The following ABCA13 variants were observed in gnomAD, a reference collection of about 807,000 sequenced individuals.
ABCA13 encodes the protein ATP-binding cassette sub-family A member 13.
In ABCA13, 476 loss-of-function variants were observed where a neutral mutation model predicts 478.7. That is an observed-to-expected ratio of 0.99 (90% CI 0.92 to 1.07). ABCA13 has a LOEUF of 1.07. ABCA13 is among the 50% of genes least tolerant of loss of function. ABCA13 has a pLI of 0.00. For missense variants in ABCA13, 6,060 were observed against 5,910.6 expected, an observed-to-expected ratio of 1.03 and a Z score of -0.83; for synonymous variants, 2,252 against 2,158.9, an observed-to-expected ratio of 1.04 and a Z score of -1.20.
intron 42 of ABCA13, among the ~76,000 whole-genome samples, chr7:48,446,295 A>G (rs974665363): frequency 2.0e-5 from 3 of 151,970 alleles, no homozygotes; most frequent in African/African-American, 7.3e-5. Context: ...CTTTAAGCTC[A>G]AAGTTTATGT....
chr7:48,437,868 C>T (rs1325086254), intron 42 of ABCA13, among the ~76,000 whole-genome samples: 1 of 151,994 alleles, frequency 6.6e-6, no homozygotes, highest in Non-Finnish European at 1.5e-5. Context: ...TGTGCTTTTG[C>T]CTCTTTCTTC....
At chr7:48,606,136 C>T (rs1791441279) in intron 58 of ABCA13, among the ~76,000 whole-genome samples, 1 of 152,184 alleles carries the variant, frequency 6.6e-6, no homozygotes, top group African/African-American at 2.4e-5. Flanking sequence ...AGGTTCTTAG[C>T]TTCCTTGCAT....
intron 55 of ABCA13, among the ~76,000 whole-genome samples, chr7:48,536,982 A>G (rs1043886798): frequency 6.6e-6 from 1 of 152,058 alleles, no homozygotes. Flanking sequence ...ATTGCAAATT[A>G]CTTACATAGG....
rs564181691 is a variant in ABCA13 at position 48,296,561 on chromosome 7, G to A, written c.9120-671G>A. ...TGCAAGCTCCACCTCCCGGGTTCAC[G>A]CCATTCTCCCTCCTCAGCCTCCTGA... On this transcript the variant is annotated intron_variant, in intron 21 of 61. Coordinates refer to ENST00000435803, the MANE Select transcript of ABCA13 (RefSeq NM_152701.5). Among the ~76,000 whole-genome samples the A allele has an allele frequency of 4.3e-3, 647 of 151,260 alleles. 1 individual carries two copies. Among genetic ancestry groups the A allele is most frequent in the Non-Finnish European group, 7.0e-3 (473 of 67,886 alleles).
At chr7:48,600,819 C>G (rs1292957932) in intron 58 of ABCA13, among the ~76,000 whole-genome samples, 1 of 152,142 alleles carries the variant, frequency 6.6e-6, no homozygotes, top group African/African-American at 2.4e-5. Context: ...TATCCACAGT[C>G]TTAAATAGTA....
In ABCA13 at chr7:48,379,293, C is replaced by T. The variant is rs1233480393; in HGVS notation, c.11335+2721C>T. Among the ~76,000 whole-genome samples the T allele has an allele frequency of 2.0e-5, 3 of 152,194 alleles. No homozygotes were observed. The East Asian group carries it at 5.8e-4, about 29-fold the overall frequency. ...CAATAATAACAAAGAATATAATTGC[C>T]AGACACTACTGATGGGCTTTCAGAT... On this transcript the variant is annotated intron_variant, in intron 35 of 61. Transcript: ENST00000435803.
chr7:48,222,299 T>C (rs1271477841), intron 5 of ABCA13, among the ~76,000 whole-genome samples: 1 of 152,228 alleles, frequency 6.6e-6, no homozygotes, highest in Non-Finnish European at 1.5e-5. Flanking sequence ...ACTTTAATGA[T>C]TAAATTAGCA....
intron 2 of ABCA13, among the ~76,000 whole-genome samples, chr7:48,195,999 C>T (rs1013766872): frequency 4.6e-5 from 7 of 152,106 alleles, no homozygotes; most frequent in African/African-American, 1.7e-4. Flanking sequence ...ACCAGGTGTA[C>T]TGTGCAGGAG....
At chr7:48,322,901 A>G (rs1803709484) in intron 27 of ABCA13, among the ~76,000 whole-genome samples, 1 of 152,038 alleles carries the variant, frequency 6.6e-6, no homozygotes, top group Admixed American at 6.6e-5. Flanking sequence ...CTCTATCACT[A>G]TAGGTAGGTT....
chr7:48,389,043 C>A lies in ABCA13; in HGVS notation c.11477C>A (p.Ser3826Ter). The change falls in exon 37 of 62, where the codon TCA becomes TAA. Residue 3826 changes from serine (S) to a stop codon, truncating the protein, a stop_gained. Coordinates refer to ENST00000435803, the MANE Select transcript of ABCA13 (RefSeq NM_152701.5). LOFTEE classifies it high-confidence loss of function. ...FFNENFDNKGSSLQNREGELE... is the reference protein window; with the variant it reads ...FFNENFDNKG ...TGAATTTTCATCTCTCTCACAGGGT[C>A]ATCACTGCAAAACAGGGAAGGAGAG... 6.2e-7 allele frequency: 1 copy of A among 1,613,422 alleles called. No homozygotes were observed. The highest frequency in any genetic ancestry group is 1.1e-5 in the South Asian group (1 of 90,970).
At chr7:48,538,099 C>CTTT (rs1563409461) in intron 55 of ABCA13, among the ~76,000 whole-genome samples, 12 of 120,018 alleles carry the variant, frequency 1.0e-4, no homozygotes, top group African/African-American at 2.0e-4. Context: ...TTCTTTCTTT[C>CTTT]CTTTTTTTTT....
At chr7:48,258,121 G>T (rs2128715738) in intron 15 of ABCA13, among the ~76,000 whole-genome samples, 1 of 152,164 alleles carries the variant, frequency 6.6e-6, no homozygotes, top group African/African-American at 2.4e-5. Context: ...ACAGGGTCCT[G>T]CTATGCTGCT....
At chr7:48,228,831 C>A (rs1416876743) in intron 6 of ABCA13, among the ~76,000 whole-genome samples, 1 of 152,178 alleles carries the variant, frequency 6.6e-6, no homozygotes, top group Non-Finnish European at 1.5e-5. Flanking sequence ...GAAGCTCTGA[C>A]TGTGTTAGCA....
chr7:48,617,141 A>G (rs1792665315), intron 59 of ABCA13, among the ~76,000 whole-genome samples: 1 of 152,250 alleles, frequency 6.6e-6, no homozygotes, highest in African/African-American at 2.4e-5. Context: ...GATAAAGAAT[A>G]AAGGATTGAT....
rs1398873233 is a variant in ABCA13, at chr7:48,338,394, C to T, written c.10143C>T (p.Asn3381=). 1 of 1,601,266 alleles carries T rather than the reference C, an allele frequency of 6.2e-7. No homozygotes were observed. Among genetic ancestry groups the T allele is most frequent in the African/African-American group, 1.3e-5 (1 of 74,704 alleles). ...QEALRNKFVR[N]FVENQLHIDV... ...CCCTGAGAAACAAATTTGTAAGAAA[C>T]TTTGTAGAAAACCAGTTGCACATTG... Residue 3381 remains asparagine (N), a synonymous_variant, in exon 29 of 62, where the codon AAC becomes AAT. Coordinates refer to ENST00000435803, the MANE Select transcript of ABCA13 (RefSeq NM_152701.5).
At chr7:48,590,790 A>G (rs1789650160) in intron 57 of ABCA13, among the ~76,000 whole-genome samples, 1 of 152,114 alleles carries the variant, frequency 6.6e-6, no homozygotes, top group Admixed American at 6.5e-5. Flanking sequence ...TCTTCTTTTG[A>G]GAAAAGTCTG....
At chr7:48,390,552 C>T (rs574159628) in intron 37 of ABCA13, among the ~76,000 whole-genome samples, 22 of 152,254 alleles carry the variant, frequency 1.4e-4, no homozygotes, top group South Asian at 1.2e-3. Flanking sequence ...TTGGTTAGTG[C>T]CGGAACAAGC....
intron 32 of ABCA13, among the ~76,000 whole-genome samples, chr7:48,368,652 G>T (rs1812084116): frequency 7.1e-6 from 1 of 139,914 alleles, no homozygotes; most frequent in Non-Finnish European, 1.5e-5. Context: ...CCTTTTTATG[G>T]ATGAGTATAT....
chr7:48,403,035 C>T (rs981316493), intron 38 of ABCA13, among the ~76,000 whole-genome samples: 2 of 152,194 alleles, frequency 1.3e-5, no homozygotes, highest in East Asian at 1.9e-4. Flanking sequence ...GAGAGTGGAT[C>T]CCTGGAAGAG....
Sources: gnomAD v4.1 joint callset for allele counts (sites outside exome capture counted in the v4.1 genomes callset) on GRCh38, gnomAD v4.1.1 for gene constraint, MANE v1.5 for transcripts, NCBI Gene and HGNC (gene_info 2026-07-23, HGNC 2026-07-21) for gene names.